Variants in RWDD4 observed in about 807,000 individuals in gnomAD.
RWDD4 encodes the protein RWD domain containing 4, also known as RWD domain-containing protein 4.
Under a neutral mutation model 30.0 loss-of-function variants are expected in RWDD4, and 16 were observed. That is an observed-to-expected ratio of 0.53 (90% CI 0.36 to 0.81). The LOEUF is 0.81. RWDD4 is among the 30% of genes least tolerant of loss of function. The probability of loss-of-function intolerance (pLI) is 0.00; values close to 1 mark genes in which losing one functional copy is unlikely to be tolerated. For synonymous variants in RWDD4, 45 were observed against 72.1 expected, an observed-to-expected ratio of 0.62 and a Z score of 1.90; for missense variants, 170 against 223.9, an observed-to-expected ratio of 0.76 and a Z score of 1.54.
intron 2 of RWDD4, among the ~76,000 whole-genome samples, chr4:183,652,246 T>C (rs1026424143): frequency 2.6e-5 from 4 of 152,170 alleles, no homozygotes; most frequent in African/African-American, 7.2e-5. Context: ...TGTCCTTTAA[T>C]AGACATCACC....
chr4:183,643,021 T>C (rs931470295), intron 7 of RWDD4, among the ~76,000 whole-genome samples: 2 of 148,510 alleles, frequency 1.3e-5, no homozygotes, highest in Admixed American at 6.8e-5. Context: ...ATCGTGTGAC[T>C]GCACTCCAGC....
At chr4:183,643,055 T>C (rs1733892017) in intron 7 of RWDD4, among the ~76,000 whole-genome samples, 1 of 128,194 alleles carries the variant, frequency 7.8e-6, no homozygotes, top group South Asian at 2.5e-4. Flanking sequence ...CGAGACTCCG[T>C]TCAAAAATAA....
intron 2 of RWDD4, 145 bp downstream of exon 2, chr4:183,655,736 G>C: frequency 1.8e-6 from 1 of 565,780 alleles, no homozygotes; most frequent in Non-Finnish European, 3.2e-6. Flanking sequence ...AATGACTGAT[G>C]TTAGGGTGAT....
intron 7 of RWDD4, among the ~76,000 whole-genome samples, chr4:183,645,660 T>G (rs570393574): frequency 6.6e-6 from 1 of 151,216 alleles, no homozygotes; most frequent in East Asian, 2.0e-4. Flanking sequence ...TCCCAGCTAG[T>G]CAGGAGGCTG....
At chr4:183,651,981 CATTT>C (rs1734086012) in intron 2 of RWDD4, among the ~76,000 whole-genome samples, 1 of 152,176 alleles carries the variant, frequency 6.6e-6, no homozygotes, top group African/African-American at 2.4e-5. Context: ...CTTTCTGCCT[CATTT>C]ACTTTATCTT....
chr4:183,646,159 C>T (rs886704028), intron 7 of RWDD4, among the ~76,000 whole-genome samples, 192 bp downstream of exon 7: 46 of 152,190 alleles, frequency 3.0e-4, no homozygotes, highest in African/African-American at 1.1e-3. Flanking sequence ...CCACCTTGAC[C>T]TCCAAAAGTG....
chr4:183,657,320 C>A (rs1205036215), intron 1 of RWDD4, among the ~76,000 whole-genome samples: 1 of 152,174 alleles, frequency 6.6e-6, no homozygotes, highest in Non-Finnish European at 1.5e-5. Context: ...GAACAAAAAC[C>A]TTACTCAAGA....
chr4:183,644,633 G>C (rs1378393024), intron 7 of RWDD4, among the ~76,000 whole-genome samples: 3 of 152,084 alleles, frequency 2.0e-5, no homozygotes, highest in Non-Finnish European at 4.4e-5. Context: ...ACAAAAATTA[G>C]CCAGGTGTGG....
Position 183,641,401 on chromosome 4 carries a change from A to G in RWDD4, c.*35T>C. 1 of 1,549,796 alleles carries G rather than the reference A, an allele frequency of 6.5e-7. No homozygotes were observed. Among genetic ancestry groups the G allele is most frequent in the Non-Finnish European group, 8.9e-7 (1 of 1,127,410 alleles). ...GATTTTGAACCCAGTTTTACTCTTTAAAGAATGCTCTTTCCTTGTCTCAAA... is the reference window on the plus strand; with the variant it reads ...GATTTTGAACCCAGTTTTACTCTTTGAAGAATGCTCTTTCCTTGTCTCAAA... On this transcript the variant is annotated 3_prime_UTR_variant, in exon 8 of 8. Transcript: ENST00000326397.
intron 1 of RWDD4, among the ~76,000 whole-genome samples, chr4:183,658,422 G>C (rs1278928177): frequency 6.6e-6 from 1 of 152,122 alleles, no homozygotes; most frequent in African/African-American, 2.4e-5. Flanking sequence ...AATTCAGGTG[G>C]TACATGAATG....
intron 7 of RWDD4, among the ~76,000 whole-genome samples, chr4:183,643,983 T>C (rs542223501): frequency 6.6e-6 from 1 of 152,204 alleles, no homozygotes; most frequent in African/African-American, 2.4e-5. Flanking sequence ...TTACTGGTAA[T>C]TTGAATTTTA....
intron 7 of RWDD4, among the ~76,000 whole-genome samples, chr4:183,643,122 A>G (rs1280669057): frequency 6.9e-6 from 1 of 144,234 alleles, no homozygotes; most frequent in African/African-American, 2.5e-5. Context: ...AATTAAAAAA[A>G]AAAAAAAAAG....
intron 2 of RWDD4, among the ~76,000 whole-genome samples, chr4:183,655,467 G>A (rs1349366991): frequency 1.3e-5 from 2 of 151,786 alleles, no homozygotes; most frequent in African/African-American, 4.8e-5. Flanking sequence ...ATTTTTAGTA[G>A]AGACAGTGGG....
In RWDD4 at chr4:183,641,333, G is replaced by C. The variant is rs1733851637; in HGVS notation, c.*103C>G. The C allele has an allele frequency of 1.1e-6, 1 of 910,318 alleles. No homozygotes were observed. The highest frequency in any genetic ancestry group is 1.7e-5 in the African/African-American group (1 of 59,662). 56.4% of individuals were successfully genotyped at this position (910,318 alleles called of 1,614,324 possible). ...ATGTAAGAAACATACAAAAAATTGT[G>C]TTTTATAAAAAGTCGCCTCAATACC... On this transcript the variant is annotated 3_prime_UTR_variant, in exon 8 of 8. Coordinates refer to ENST00000326397, the MANE Select transcript of RWDD4 (RefSeq NM_152682.4).
chr4:183,644,605 C>T (rs1733930800), intron 7 of RWDD4, among the ~76,000 whole-genome samples: 3 of 151,884 alleles, frequency 2.0e-5, no homozygotes, highest in African/African-American at 7.3e-5. Flanking sequence ...ATGGCGAAAG[C>T]CCATCTCTAT....
intron 4 of RWDD4, among the ~76,000 whole-genome samples, chr4:183,650,549 T>C (rs1734054098): frequency 6.6e-6 from 1 of 152,214 alleles, no homozygotes; most frequent in African/African-American, 2.4e-5. Flanking sequence ...ATTTTTTCTA[T>C]TCAATAAAGT....
rs1180100734 is a variant in RWDD4 at position 183,641,336 on chromosome 4, T to G, written c.*100A>C. On this transcript the variant is annotated 3_prime_UTR_variant, in exon 8 of 8. Coordinates refer to ENST00000326397, the MANE Select transcript of RWDD4 (RefSeq NM_152682.4). Reference sequence around the variant, plus strand: ...TAAGAAACATACAAAAAATTGTGTTTTATAAAAAGTCGCCTCAATACCAGA... The same window carrying G: ...TAAGAAACATACAAAAAATTGTGTTGTATAAAAAGTCGCCTCAATACCAGA... 1 of 954,656 alleles carries G rather than the reference T, an allele frequency of 1.0e-6. No individual in the cohort carries two copies. The highest frequency in any genetic ancestry group is 2.4e-5 in the East Asian group (1 of 41,662). 59.1% of individuals were successfully genotyped at this position (954,656 alleles called of 1,614,324 possible).
chr4:183,646,674 T>C (rs1052271204), intron 5 of RWDD4, 137 bp from the exon 6 acceptor site: 13 of 713,306 alleles, frequency 1.8e-5, no homozygotes, highest in Non-Finnish European at 2.9e-5. Context: ...AAAAAGAGTT[T>C]ATCATTATGA....
chr4:183,654,290 G>C (rs1579131628), intron 2 of RWDD4, among the ~76,000 whole-genome samples: 1 of 152,264 alleles, frequency 6.6e-6, no homozygotes, highest in South Asian at 2.1e-4. Context: ...GAAGAGAATG[G>C]GATGACAACT....
Sources: allele counts gnomAD v4.1 joint callset (sites outside exome capture counted in the v4.1 genomes callset), GRCh38; gene constraint gnomAD v4.1.1; transcripts MANE v1.5; gene names NCBI Gene and HGNC (gene_info 2026-07-23, HGNC 2026-07-21).